Variants in IPMK observed in about 807,000 individuals in gnomAD.
The protein encoded by IPMK is inositol 1,3,4,6-tetrakisphosphate 5-kinase.
In IPMK, 17 loss-of-function variants were observed where a neutral mutation model predicts 45.8. The observed-to-expected ratio is 0.37, with a 90% CI of 0.25 to 0.56. IPMK has a LOEUF of 0.56. Ranked by LOEUF, IPMK falls within the 20% of genes least tolerant of loss-of-function variation. The pLI is 0.79. For missense variants in IPMK, 399 were observed against 498.0 expected, an observed-to-expected ratio of 0.80 and a Z score of 1.89; for synonymous variants, 180 against 184.3, an observed-to-expected ratio of 0.98 and a Z score of 0.19.
At chr10:58,210,621 A>T (rs182313159) in intron 4 of IPMK, among the ~76,000 whole-genome samples, 1 of 152,316 alleles carries the variant, frequency 6.6e-6, no homozygotes, top group Non-Finnish European at 1.5e-5. Flanking sequence ...GGAGACTGGG[A>T]GTACCTACGA....
intron 1 of IPMK, among the ~76,000 whole-genome samples, chr10:58,247,220 GT>G (rs1167544747): frequency 1.3e-5 from 2 of 148,828 alleles, no homozygotes; most frequent in Admixed American, 6.6e-5. Context: ...CTGTAAACTA[GT>G]TCAACCATTG....
At chr10:58,211,919 A>AAAAAAAATAAAAT (rs967150743) in intron 4 of IPMK, among the ~76,000 whole-genome samples, 18 of 148,268 alleles carry the variant, frequency 1.2e-4, no homozygotes, top group African/African-American at 4.7e-4. Context: ...AAAAAAAAAA[A>AAAAAAAATAAAAT]AAAAAATTTG....
intron 1 of IPMK, among the ~76,000 whole-genome samples, chr10:58,238,844 T>G (rs989066482): frequency 1.3e-5 from 2 of 152,010 alleles, no homozygotes; most frequent in African/African-American, 4.8e-5. Context: ...CAAGTTTGTT[T>G]TTTGTTTTTT....
rs376895646 is a variant in IPMK, at chr10:58,196,531, T to C, written c.796A>G (p.Thr266Ala). ...GCCAAAGTTCTGTCATTCAATTTTG[T>C]AGTGGTTGGCTGAGATGAACCTTCA... is the stretch of plus-strand genomic sequence containing the variant. ...VYEGSSQPTT[T>A]KLNDRTLAEK... The change falls in exon 6 of 6, where the codon ACA becomes GCA. Residue 266 changes from threonine (T) to alanine (A), a missense_variant. Coordinates refer to ENST00000373935, the MANE Select transcript of IPMK (RefSeq NM_152230.5). The C allele has an allele frequency of 2.5e-6, 4 of 1,614,022 alleles. No homozygotes were observed. The South Asian group carries it at 3.3e-5, about 13-fold the overall frequency.
chr10:58,225,278 A>G (rs1263126035), intron 3 of IPMK, among the ~76,000 whole-genome samples: 1 of 152,156 alleles, frequency 6.6e-6, no homozygotes, highest in Non-Finnish European at 1.5e-5. Flanking sequence ...TGGTGGTATT[A>G]CTTTCTATTT....
At chr10:58,199,877 A>T (rs1837972571) in intron 4 of IPMK, among the ~76,000 whole-genome samples, 1 of 152,194 alleles carries the variant, frequency 6.6e-6, no homozygotes, top group Non-Finnish European at 1.5e-5. Flanking sequence ...TAGTAAACAG[A>T]AAATAAGCTT....
intron 1 of IPMK, among the ~76,000 whole-genome samples, chr10:58,243,431 A>G (rs188554894): frequency 2.0e-5 from 3 of 152,308 alleles, no homozygotes; most frequent in Admixed American, 2.0e-4. Context: ...CCGTACTGCC[A>G]TGATATCAGC....
intron 3 of IPMK, among the ~76,000 whole-genome samples, chr10:58,226,453 T>C (rs1838417038): frequency 6.6e-6 from 1 of 152,236 alleles, no homozygotes; most frequent in Non-Finnish European, 1.5e-5. Context: ...TTCCCCTCAA[T>C]TCACCTTTGT....
chr10:58,249,075 A>C (rs773118605), intron 1 of IPMK, among the ~76,000 whole-genome samples: 1 of 152,186 alleles, frequency 6.6e-6, no homozygotes, highest in Non-Finnish European at 1.5e-5. Context: ...CATATGGTAG[A>C]TTTATTTTTA....
At chr10:58,236,015 A>G (rs112959596) in intron 2 of IPMK, among the ~76,000 whole-genome samples, 7,456 of 149,966 alleles carry the variant, frequency 0.05, 444 homozygotes, top group East Asian at 0.31. Flanking sequence ...TGCAACCTCC[A>G]CCTCCCGGGT....
intron 1 of IPMK, among the ~76,000 whole-genome samples, chr10:58,259,671 T>TTAAAAAAAAAAAAAAAAAAA (rs1839027989): frequency 2.3e-5 from 2 of 86,768 alleles, no homozygotes; most frequent in Admixed American, 1.2e-4. Context: ...CATCTCTACA[T>TTAAAAAAAAAAAAAAAAAAA]AAAAAAAAAA....
At chr10:58,247,024 CATTT>C (rs1838812121) in intron 1 of IPMK, among the ~76,000 whole-genome samples, 1 of 150,974 alleles carries the variant, frequency 6.6e-6, no homozygotes, top group Non-Finnish European at 1.5e-5. Context: ...CAAAAGAAGA[CATTT>C]ATGCAGCCAA....
At chr10:58,211,530 G>A (rs1838159310) in intron 4 of IPMK, among the ~76,000 whole-genome samples, 1 of 151,948 alleles carries the variant, frequency 6.6e-6, no homozygotes, top group African/African-American at 2.4e-5. Flanking sequence ...TGGTTACATG[G>A]TGATTCCATT....
chr10:58,267,584 G>C lies in IPMK; in HGVS notation c.28C>G (p.Arg10Gly). The change falls in exon 1 of 6, where the codon CGG becomes GGG. Residue 10 changes from arginine to glycine, a missense_variant. Coordinates refer to ENST00000373935, the MANE Select transcript of IPMK (RefSeq NM_152230.5). Reference protein sequence around the residue: MATEPPSPLRVEAPGPPEMR... With the variant: MATEPPSPLGVEAPGPPEMR... ...TCTGGGGGGCCCGGCGCCTCGACCC[G>C]GAGGGGGGATGGTGGCTCTGTTGCC... 1 of 1,605,178 alleles carries C rather than the reference G, an allele frequency of 6.2e-7. No individual in the cohort carries two copies. Among genetic ancestry groups the C allele is most frequent in the Non-Finnish European group, 8.5e-7 (1 of 1,176,134 alleles).
chr10:58,244,212 C>A (rs1293706856), intron 1 of IPMK, among the ~76,000 whole-genome samples: 1 of 150,574 alleles, frequency 6.6e-6, no homozygotes, highest in East Asian at 2.0e-4. Context: ...GCCGCCCCAC[C>A]TGGGAGGTGA....
At chr10:58,265,476 C>A (rs1474808794) in intron 1 of IPMK, among the ~76,000 whole-genome samples, 1 of 152,094 alleles carries the variant, frequency 6.6e-6, no homozygotes, top group South Asian at 2.1e-4. Context: ...GAATTAGTGA[C>A]CATCTTATCC....
intron 4 of IPMK, chr10:58,212,904 A>G (rs1036449545): frequency 4.3e-6 from 1 of 232,690 alleles, no homozygotes; most frequent in Non-Finnish European, 9.5e-6. Context: ...GCAAGTCATC[A>G]GTGTTACCCT....
rs1838977107 is a variant in IPMK, at chr10:58,256,910, T to C, written c.190+10512A>G. Among the ~76,000 whole-genome samples the C allele has an allele frequency of 2.6e-5, 4 of 151,812 alleles. No individual in the cohort carries two copies. The South Asian group carries it at 8.3e-4, about 32-fold the overall frequency. ...AGATCCCATCTCTACAAAAAATAAATGAAAATTAGCCACGCATGTTGGCAC... is the reference window on the plus strand; with the variant it reads ...AGATCCCATCTCTACAAAAAATAAACGAAAATTAGCCACGCATGTTGGCAC... On this transcript the variant is annotated intron_variant, in intron 1 of 5. Coordinates refer to ENST00000373935, the MANE Select transcript of IPMK (RefSeq NM_152230.5).
chr10:58,247,104 G>A (rs1347443645), intron 1 of IPMK, among the ~76,000 whole-genome samples: 2 of 150,162 alleles, frequency 1.3e-5, no homozygotes, highest in Non-Finnish European at 2.9e-5. Flanking sequence ...ACCACAATGA[G>A]AGACCATTTC....
Sources: gnomAD v4.1 joint callset for allele counts (sites outside exome capture counted in the v4.1 genomes callset) on GRCh38, gnomAD v4.1.1 for gene constraint, MANE v1.5 for transcripts, NCBI Gene and HGNC (gene_info 2026-07-23, HGNC 2026-07-21) for gene names.